Variants in CEACAM20 observed in about 807,000 individuals in gnomAD.
CEACAM20 encodes the protein CEA cell adhesion molecule 20.
In CEACAM20, 50 loss-of-function variants were observed where a neutral mutation model predicts 61.2. The ratio of observed to expected loss-of-function variants is 0.82; its 90% CI spans 0.65 to 1.03. The LOEUF (loss-of-function observed/expected upper bound fraction) is 1.03, where lower values mean the gene tolerates loss of function less well. Ranked by LOEUF, CEACAM20 falls within the 50% of genes least tolerant of loss-of-function variation. The pLI is 0.00. For synonymous variants in CEACAM20, 282 were observed against 287.7 expected, an observed-to-expected ratio of 0.98 and a Z score of 0.20; for missense variants, 683 against 736.4, an observed-to-expected ratio of 0.93 and a Z score of 0.84.
rs1971489281 is a variant in CEACAM20 at position 44,525,135 on chromosome 19, G to C, written c.162C>G (p.Thr54=). 2 of 1,610,764 alleles carry C rather than the reference G, an allele frequency of 1.2e-6. No homozygotes were observed. The highest frequency in any genetic ancestry group is 1.7e-6 in the Non-Finnish European group (2 of 1,178,650). ...TGCCATGAATCTGGGGTGTCCTGGG[G>C]GTCCCAAACACAGGCAGAACAACAT... ...SEDVVLPVFG[T]PRTPQIHGRS... is the part of the protein sequence containing the mutation. Residue 54 remains threonine (T), a synonymous_variant, in exon 2 of 12, where the codon ACC becomes ACG. Transcript: ENST00000614924.
intron 6 of CEACAM20, among the ~76,000 whole-genome samples, chr19:44,515,615 T>C (rs1971132756): frequency 1.3e-5 from 2 of 152,194 alleles, no homozygotes; most frequent in East Asian, 3.9e-4. Context: ...AAGAAGTGTT[T>C]GCTGATATTA....
chr19:44,518,253 A>G (rs1417993985), intron 5 of CEACAM20, among the ~76,000 whole-genome samples: 1 of 151,770 alleles, frequency 6.6e-6, no homozygotes, highest in African/African-American at 2.4e-5. Flanking sequence ...GAAGGAAGGA[A>G]GGAAGGAAAG....
At chr19:44,523,452 G>C (rs1191622959) in intron 3 of CEACAM20, among the ~76,000 whole-genome samples, 1 of 142,372 alleles carries the variant, frequency 7.0e-6, no homozygotes, top group Non-Finnish European at 1.5e-5. Flanking sequence ...AATGAATAAA[G>C]TGAGCCAGCT....
chr19:44,512,863 C>G lies in CEACAM20; in HGVS notation c.1513+5G>C, dbSNP rs1971041905. ...CCAGGCATCAGCCACCATAGAGTCA[C>G]TTACCGGAACTGGGCTCTGTGGGGT... On this transcript the variant is annotated splice_donor_5th_base_variant and intron_variant, in intron 8 of 11. Coordinates refer to ENST00000614924, the MANE Select transcript of CEACAM20 (RefSeq NM_001102597.3). 6.2e-7 allele frequency: 1 copy of G among 1,612,348 alleles called. No individual in the cohort carries two copies. The highest frequency in any genetic ancestry group is 2.2e-5 in the East Asian group (1 of 44,852).
chr19:44,526,572 A>G (rs575494960), intron 1 of CEACAM20, among the ~76,000 whole-genome samples: 3 of 151,618 alleles, frequency 2.0e-5, no homozygotes, highest in African/African-American at 4.8e-5. Context: ...GCACACCACT[A>G]CGGGGGCTGC....
intron 4 of CEACAM20, among the ~76,000 whole-genome samples, chr19:44,521,796 G>A (rs1971372938): frequency 6.6e-6 from 1 of 152,098 alleles, no homozygotes; most frequent in Admixed American, 6.5e-5. Context: ...TATTATATAT[G>A]AGTTGTGTTT....
rs774668987 is a variant in CEACAM20, at chr19:44,517,016, G to A, written c.1239C>T (p.Ile413=). Residue 413 remains isoleucine (I), a synonymous_variant, in exon 6 of 12, where the codon ATC becomes ATT. Coordinates refer to ENST00000614924, the MANE Select transcript of CEACAM20 (RefSeq NM_001102597.3). ...GAGAGTTGGAGGCTGTGCAGTTGTA[G>A]ATCCCGTCGTGTTCCCAGGTCAGAG... is the stretch of plus-strand genomic sequence containing the variant. ...IRALTWEHDG[I]YNCTASNSLT... 4.4e-6 allele frequency: 7 copies of A among 1,596,754 alleles called. No individual in the cohort carries two copies. The South Asian group carries it at 8.0e-5, about 18-fold the overall frequency.
Position 44,517,040 on chromosome 19 carries a change from A to G in CEACAM20, c.1215T>C (p.Ala405=), listed in dbSNP as rs780064471. 6.2e-6 allele frequency: 10 copies of G among 1,601,710 alleles called. No homozygotes were observed. Among genetic ancestry groups the G allele is most frequent in the Non-Finnish European group, 8.5e-6 (10 of 1,174,408 alleles). The change falls in exon 6 of 12, where the codon GCT becomes GCC. Residue 405 remains alanine (A), a synonymous_variant. Coordinates refer to ENST00000614924, the MANE Select transcript of CEACAM20 (RefSeq NM_001102597.3). ...AGATCCCGTCGTGTTCCCAGGTCAG[A>G]GCCCTGATAATCAGCTGCTCACCCA... ...EHLGEQLIIR[A]LTWEHDGIYN...
chr19:44,515,607 G>C (rs1340129549), intron 6 of CEACAM20, among the ~76,000 whole-genome samples: 1 of 152,126 alleles, frequency 6.6e-6, no homozygotes, highest in African/African-American at 2.4e-5. Context: ...GAGTACCCAA[G>C]AAGTGTTTGC....
At chr19:44,519,534 A>G (rs997701427) in intron 5 of CEACAM20, among the ~76,000 whole-genome samples, 14 of 151,342 alleles carry the variant, frequency 9.3e-5, no homozygotes, top group African/African-American at 2.4e-4. Flanking sequence ...TTCTCCCCCA[A>G]TCTTCTCCAT....
intron 1 of CEACAM20, among the ~76,000 whole-genome samples, chr19:44,527,114 A>T (rs1415710825): frequency 6.6e-6 from 1 of 152,184 alleles, no homozygotes; most frequent in Non-Finnish European, 1.5e-5. Context: ...CCCTACTATC[A>T]TGGGTAAGGG....
chr19:44,509,087 GA>G (rs1394175130), intron 11 of CEACAM20, among the ~76,000 whole-genome samples: 1 of 152,116 alleles, frequency 6.6e-6, no homozygotes, highest in Non-Finnish European at 1.5e-5. Flanking sequence ...GAAATGGAGG[GA>G]AATTGAATAG....
chr19:44,515,381 A>G (rs1971126871), intron 6 of CEACAM20, among the ~76,000 whole-genome samples: 1 of 152,172 alleles, frequency 6.6e-6, no homozygotes, highest in Admixed American at 6.6e-5. Context: ...CTGTTGCTCC[A>G]TCCATCAAAT....
chr19:44,513,305 G>C lies in CEACAM20; in HGVS notation c.1310-16C>G, dbSNP rs1337264867. ...GACTGGGGACCTGGGCAAGGAGACA[G>C]AATCAAGACCCAGGCTTGACACACC... On this transcript the variant is annotated splice_polypyrimidine_tract_variant and intron_variant, in intron 6 of 11. Transcript: ENST00000614924. The C allele has an allele frequency of 6.4e-7, 1 of 1,572,086 alleles. No homozygotes were observed. The highest frequency in any genetic ancestry group is 8.8e-7 in the Non-Finnish European group (1 of 1,142,538).
At position 44,513,242 on chromosome 19, in the gene CEACAM20, T is replaced by C. The variant is rs34921521; in HGVS notation, c.1357A>G (p.Ile453Val). The C allele has an allele frequency of 2.2e-3, 3,478 of 1,613,722 alleles. 64 individuals carry two copies. The African/African-American group carries it at 0.04, about 18-fold the overall frequency. ...ACAGCAATGACAGCCAGGATCCCGA[T>C]GACAATACCAGCGATGGCCCCTGAG... ...LSSGAIAGIV[I>V]GILAVIAVAS... The change falls in exon 7 of 12, where the codon ATC becomes GTC. Residue 453 changes from isoleucine (I) to valine (V), a missense_variant. Coordinates refer to ENST00000614924, the MANE Select transcript of CEACAM20 (RefSeq NM_001102597.3).
In CEACAM20 at chr19:44,529,636, T is replaced by C; in HGVS notation, c.-127A>G. The C allele has an allele frequency of 2.8e-6, 2 of 703,800 alleles. No individual in the cohort carries two copies. The highest frequency in any genetic ancestry group is 2.8e-5 in the East Asian group (1 of 35,938). 43.6% of individuals were successfully genotyped at this position (703,800 alleles called of 1,614,324 possible). The stretch of plus-strand genomic sequence containing the variant: ...TCTCCTCTCCCACCCTGCTACAAAC[T>C]CACACACACACTGCAGTAACTGCAG... On this transcript the variant is annotated 5_prime_UTR_variant, in exon 1 of 12. Coordinates refer to ENST00000614924, the MANE Select transcript of CEACAM20 (RefSeq NM_001102597.3).
At chr19:44,510,547 G>GGAAAGAAAGAAAGAAA (rs770702249) in intron 11 of CEACAM20, among the ~76,000 whole-genome samples, 38 of 52,792 alleles carry the variant, frequency 7.2e-4, no homozygotes, top group Non-Finnish European at 8.8e-4. Context: ...AAGGAAGGAA[G>GGAAAGAAAGAAAGAAA]GAAAGAAAGA....
rs1439464022 is a variant in CEACAM20 at position 44,518,177 on chromosome 19, G to A, written c.1031-953C>T. ...AAGGAAGGAAGGAAGGAAGAAAGCA[G>A]GCAGGCAGGCAGGCAGGCAGGCAAG... On this transcript the variant is annotated intron_variant, in intron 5 of 11. Coordinates refer to ENST00000614924, the MANE Select transcript of CEACAM20 (RefSeq NM_001102597.3). 3.2e-3 allele frequency among the ~76,000 whole-genome samples: 349 copies of A among 110,572 alleles called. 7 individuals are homozygous for A. The highest frequency in any genetic ancestry group is 4.7e-3 in the Middle Eastern group (1 of 214). 72.5% of individuals were successfully genotyped at this position (110,572 alleles called of 152,430 possible).
At chr19:44,528,134 CTCTTTCTTTCTTT>C (rs1265282059) in intron 1 of CEACAM20, among the ~76,000 whole-genome samples, 321 of 145,456 alleles carry the variant, frequency 2.2e-3, no homozygotes, top group African/African-American at 5.5e-3. Flanking sequence ...CCACTGGTAT[CTCTTTCTTTCTTT>C]TCTTTCTTTC....
Sources: gnomAD v4.1 joint callset for allele counts (sites outside exome capture counted in the v4.1 genomes callset) on GRCh38, gnomAD v4.1.1 for gene constraint, MANE v1.5 for transcripts, NCBI Gene and HGNC (gene_info 2026-07-23, HGNC 2026-07-21) for gene names.